Variants in CHODL observed in about 807,000 individuals in gnomAD.
The protein encoded by CHODL is chondrolectin, also known as transmembrane protein MT75.
A neutral mutation model predicts 34.5 loss-of-function variants in CHODL; 29 were observed. The ratio of observed to expected loss-of-function variants is 0.84; its 90% CI spans 0.63 to 1.15. The LOEUF is 1.15. Among genes scored for constraint, CHODL ranks in the 50% most tolerant of loss-of-function variants. The pLI is 0.00. For synonymous variants in CHODL, 125 were observed against 116.1 expected (o/e 1.08, Z -0.49); for missense variants, 332 against 332.5 (o/e 1.00, Z 0.01).
chr21:18,132,304 GA>G (rs2072666352), intron 2 of CHODL, among the ~76,000 whole-genome samples: 2 of 152,012 alleles, frequency 1.3e-5, no homozygotes, highest in African/African-American at 4.8e-5. Context: ...CTCCTTACTA[GA>G]AAAAAGGATT....
At chr21:18,176,067 G>T (rs1056165898) in intron 2 of CHODL, among the ~76,000 whole-genome samples, 5 of 152,112 alleles carry the variant, frequency 3.3e-5, no homozygotes, top group African/African-American at 1.2e-4. Flanking sequence ...TGAGGATGGA[G>T]AAATAATTGG....
intron 2 of CHODL, among the ~76,000 whole-genome samples, chr21:18,058,756 CTCTT>C (rs1011008045): frequency 2.6e-5 from 4 of 152,102 alleles, no homozygotes; most frequent in African/African-American, 4.8e-5. Flanking sequence ...ATCTAACATT[CTCTT>C]TCTTTGATTT....
At chr21:18,115,703 G>C (rs962997980) in intron 2 of CHODL, among the ~76,000 whole-genome samples, 1 of 152,194 alleles carries the variant, frequency 6.6e-6, no homozygotes, top group Non-Finnish European at 1.5e-5. Flanking sequence ...CCATGGTAAA[G>C]GTAAGTCCTC....
Position 18,257,056 on chromosome 21 carries a change from G to A in CHODL, c.476G>A (p.Gly159Asp), listed in dbSNP as rs751104061. The part of the protein sequence containing the change: ...HQPTANPGLG[G>D]PYLYQWNDDR... ...CCAACTGCCAATCCTGGCCTTGGGG[G>A]TCCCTACCTTTACCAGTGGAATGAT... Residue 159 changes from glycine (G) to aspartate (D), a missense_variant, in exon 3 of 6, where the codon GGT becomes GAT. Transcript: ENST00000299295. 8 of 1,613,836 alleles carry A rather than the reference G, an allele frequency of 5.0e-6. No homozygotes were observed. Among genetic ancestry groups the A allele is most frequent in the African/African-American group, 2.7e-5 (2 of 74,902 alleles).
intron 1 of CHODL, among the ~76,000 whole-genome samples, chr21:18,026,318 A>C (rs1431522700): frequency 6.6e-6 from 1 of 152,226 alleles, no homozygotes; most frequent in Non-Finnish European, 1.5e-5. Context: ...TAGGCATATC[A>C]GTAACATTTG....
intron 1 of CHODL, among the ~76,000 whole-genome samples, chr21:17,921,397 A>C (rs962951382): frequency 2.6e-5 from 4 of 152,322 alleles, no homozygotes; most frequent in African/African-American, 9.6e-5. Context: ...ATTAACCACC[A>C]AGGGTGTGTT....
chr21:18,061,737 A>T (rs1353400119), intron 2 of CHODL, among the ~76,000 whole-genome samples: 2 of 152,326 alleles, frequency 1.3e-5, no homozygotes, highest in East Asian at 1.9e-4. Context: ...GATGAAGATG[A>T]ATGCAAAAGT....
intron 2 of CHODL, among the ~76,000 whole-genome samples, chr21:18,060,359 G>A (rs559953294): frequency 9.1e-4 from 139 of 152,130 alleles, no homozygotes; most frequent in African/African-American, 3.3e-3. Flanking sequence ...GGAGGCTGAT[G>A]CGGGAGGATC....
intron 2 of CHODL, among the ~76,000 whole-genome samples, chr21:18,034,102 A>G (rs193000354): frequency 2.2e-4 from 33 of 152,084 alleles, no homozygotes; most frequent in Admixed American, 1.2e-3. Context: ...TCTTGTTCAT[A>G]TTATGACTGT....
intron 1 of CHODL, among the ~76,000 whole-genome samples, chr21:17,992,969 A>G (rs2063812708): frequency 6.6e-6 from 1 of 151,938 alleles, no homozygotes; most frequent in Admixed American, 6.6e-5. Flanking sequence ...TTTTATTTGT[A>G]TATAAAATCA....
chr21:18,261,354 G>A (rs1483596156), intron 4 of CHODL, among the ~76,000 whole-genome samples: 3 of 140,960 alleles, frequency 2.1e-5, no homozygotes, highest in Non-Finnish European at 4.5e-5. Flanking sequence ...AAAACTTAAA[G>A]TATGATAAAA....
In CHODL at chr21:18,173,401, A is replaced by G. The variant is rs148782203; in HGVS notation, c.-44-83108A>G. On this transcript the variant is annotated intron_variant, in intron 2 of 6. Coordinates refer to the CHODL transcript ENST00000400127. Reference sequence around the variant, plus strand: ...TGTCTACCTCCTATAGTAAATTATAAGAAGTTTTTATTTTGTTAATCGGTT... The same window carrying G: ...TGTCTACCTCCTATAGTAAATTATAGGAAGTTTTTATTTTGTTAATCGGTT... 6.7e-4 allele frequency among the ~76,000 whole-genome samples: 102 copies of G among 152,304 alleles called. No homozygotes were observed. The East Asian group carries it at 0.019, about 29-fold the overall frequency.
At chr21:18,074,948 A>G (rs2064847466) in intron 2 of CHODL, among the ~76,000 whole-genome samples, 1 of 152,214 alleles carries the variant, frequency 6.6e-6, no homozygotes, top group South Asian at 2.1e-4. Flanking sequence ...CAGGGGCCAC[A>G]GTAGTTTGAT....
intron 2 of CHODL, among the ~76,000 whole-genome samples, chr21:18,055,560 G>C (rs2146475542): frequency 6.6e-6 from 1 of 152,144 alleles, no homozygotes; most frequent in African/African-American, 2.4e-5. Context: ...TGGAAAGTTA[G>C]CGACAGATCA....
At chr21:18,173,778 G>A (rs2073259596) in intron 2 of CHODL, among the ~76,000 whole-genome samples, 1 of 151,720 alleles carries the variant, frequency 6.6e-6, no homozygotes, top group Non-Finnish European at 1.5e-5. Flanking sequence ...TCCCATGAAT[G>A]GGTTATTTTC....
intron 2 of CHODL, among the ~76,000 whole-genome samples, chr21:18,087,023 T>C (rs1025778640): frequency 6.6e-6 from 1 of 152,156 alleles, no homozygotes. Context: ...TAGTCCCCAA[T>C]CCTACAGTGG....
intron 1 of CHODL, among the ~76,000 whole-genome samples, chr21:17,919,148 C>A (rs964056752): frequency 6.6e-6 from 1 of 152,184 alleles, no homozygotes; most frequent in African/African-American, 2.4e-5. Context: ...TGCAAGCTGT[C>A]AGTGGATCTA....
intron 2 of CHODL, among the ~76,000 whole-genome samples, chr21:18,217,515 T>A (rs941202916): frequency 6.6e-6 from 1 of 151,970 alleles, no homozygotes; most frequent in Non-Finnish European, 1.5e-5. Context: ...TAACCTCCCA[T>A]TGCGTCCTTC....
At chr21:18,217,872 A>T (rs894445421) in intron 2 of CHODL, among the ~76,000 whole-genome samples, 1 of 152,170 alleles carries the variant, frequency 6.6e-6, no homozygotes, top group Non-Finnish European at 1.5e-5. Context: ...TATAAGTACA[A>T]AATTCAGTGG....
Sources: allele counts gnomAD v4.1 joint callset (sites outside exome capture counted in the v4.1 genomes callset), GRCh38; gene constraint gnomAD v4.1.1; transcripts MANE v1.5; gene names NCBI Gene and HGNC (gene_info 2026-07-23, HGNC 2026-07-21).